MMP26: variants seen among roughly 807,000 people sequenced by gnomAD.
MMP26 encodes the protein matrix metallopeptidase 26.
Under a neutral mutation model 31.0 loss-of-function variants are expected in MMP26, and 33 were observed. That is an observed-to-expected ratio of 1.06 (90% CI 0.81 to 1.42). MMP26 has a LOEUF of 1.42. Among genes scored for constraint, MMP26 ranks in the 40% most tolerant of loss-of-function variants. The pLI, the probability that MMP26 is intolerant of heterozygous loss-of-function variation, is 0.00. For missense variants in MMP26, 347 were observed against 316.1 expected (o/e 1.10, Z -0.74); for synonymous variants, 122 against 114.9 (o/e 1.06, Z -0.40).
intron 2 of MMP26, among the ~76,000 whole-genome samples, chr11:4,874,488 T>C (rs957632540): frequency 2.6e-5 from 4 of 152,004 alleles, no homozygotes; most frequent in African/African-American, 4.8e-5. Flanking sequence ...CCTGGGTCCA[T>C]AGATGGTTTT....
intron 1 of MMP26, among the ~76,000 whole-genome samples, chr11:4,731,312 AAC>A (rs1256447944): frequency 6.6e-6 from 1 of 152,134 alleles, no homozygotes; most frequent in Admixed American, 6.5e-5. Context: ...CACCACTCCC[AAC>A]ACACACACAA....
intron 1 of MMP26, among the ~76,000 whole-genome samples, chr11:4,764,760 C>G (rs542937078): frequency 6.6e-6 from 1 of 152,222 alleles, no homozygotes; most frequent in East Asian, 1.9e-4. Context: ...GTAGTCCCAG[C>G]TACTCGGGAG....
intron 2 of MMP26, among the ~76,000 whole-genome samples, chr11:4,844,422 C>A (rs1399335172): frequency 2.0e-5 from 3 of 151,944 alleles, no homozygotes; most frequent in Non-Finnish European, 4.4e-5. Flanking sequence ...TCTATGAGGT[C>A]AGTATTACCA....
chr11:4,933,127 G>A (rs1258705509), intron 2 of MMP26, among the ~76,000 whole-genome samples: 1 of 152,014 alleles, frequency 6.6e-6, no homozygotes, highest in Non-Finnish European at 1.5e-5. Context: ...AAAAGTATTG[G>A]GAGAATAATA....
chr11:4,824,595 C>T (rs1351835735), intron 2 of MMP26, among the ~76,000 whole-genome samples: 1 of 152,074 alleles, frequency 6.6e-6, no homozygotes, highest in Non-Finnish European at 1.5e-5. Context: ...AGACATTTCT[C>T]TTCCCTCATG....
chr11:4,828,845 C>G (rs1369364590), intron 2 of MMP26, among the ~76,000 whole-genome samples: 1 of 152,064 alleles, frequency 6.6e-6, no homozygotes, highest in East Asian at 1.9e-4. Context: ...TTATTTTGTT[C>G]TGGTCCAGTA....
rs528537121 is a variant in MMP26 at position 4,822,999 on chromosome 11, G to A, written c.-145+55658G>A. Among the ~76,000 whole-genome samples the A allele has an allele frequency of 1.7e-4, 26 of 152,202 alleles. 1 individual carries two copies. The South Asian group carries it at 5.4e-3, about 32-fold the overall frequency. On this transcript the variant is annotated intron_variant, in intron 2 of 7. Coordinates refer to ENST00000380390, the MANE Select transcript of MMP26 (RefSeq NM_021801.5). The stretch of plus-strand genomic sequence containing the variant: ...ACATTGTTAACATTCTAGGAGTAAG[G>A]ATAACACTATTTTTCATTTTTTTTT...
intron 2 of MMP26, among the ~76,000 whole-genome samples, chr11:4,857,446 C>T (rs553385609): frequency 3.3e-5 from 5 of 152,100 alleles, no homozygotes; most frequent in Admixed American, 2.0e-4. Flanking sequence ...ACTATAAACA[C>T]CTCTGTGCAA....
At chr11:4,859,225 A>T (rs1277349031) in intron 2 of MMP26, among the ~76,000 whole-genome samples, 2 of 152,204 alleles carry the variant, frequency 1.3e-5, no homozygotes, top group Non-Finnish European at 2.9e-5. Flanking sequence ...GACAAATGGG[A>T]TCTAATTAAA....
chr11:4,823,415 G>C (rs1849538083), intron 2 of MMP26, among the ~76,000 whole-genome samples: 1 of 152,110 alleles, frequency 6.6e-6, no homozygotes, highest in Non-Finnish European at 1.5e-5. Context: ...TAACAACCAA[G>C]AGTACTACTC....
At chr11:4,783,439 T>G (rs777433072) in intron 2 of MMP26, among the ~76,000 whole-genome samples, 6 of 152,206 alleles carry the variant, frequency 3.9e-5, no homozygotes, top group Non-Finnish European at 7.3e-5. Context: ...GTACCCCCAT[T>G]GTACCTAGCA....
intron 2 of MMP26, among the ~76,000 whole-genome samples, chr11:4,858,070 G>A (rs774728005): frequency 1.6e-4 from 25 of 152,182 alleles, no homozygotes; most frequent in Non-Finnish European, 3.1e-4. Flanking sequence ...TCGATGGGAC[G>A]TATCTCAAAA....
At chr11:4,734,115 A>G (rs1848207441) in intron 1 of MMP26, among the ~76,000 whole-genome samples, 1 of 152,182 alleles carries the variant, frequency 6.6e-6, no homozygotes, top group South Asian at 2.1e-4. Context: ...AGAAATCTTA[A>G]CAATTTTCTT....
At chr11:4,739,717 T>TTA (rs1554928928) in intron 1 of MMP26, among the ~76,000 whole-genome samples, 1 of 152,142 alleles carries the variant, frequency 6.6e-6, no homozygotes, top group East Asian at 1.9e-4. Flanking sequence ...CTTTTTTTTT[T>TTA]ATCTCTATCT....
At chr11:4,943,552 G>C (rs576539411) in intron 2 of MMP26, 9 of 450,910 alleles carry the variant, frequency 2.0e-5, no homozygotes, top group African/African-American at 1.8e-4. Context: ...GGGCTATCCT[G>C]TACATTAAAG....
intron 2 of MMP26, among the ~76,000 whole-genome samples, chr11:4,923,020 A>G: frequency 6.6e-6 from 1 of 152,238 alleles, no homozygotes; most frequent in East Asian, 1.9e-4. Context: ...TGGCCAGAGA[A>G]TTGAAAGATG....
intron 2 of MMP26, chr11:4,876,459 C>T (rs965438804): frequency 1.3e-5 from 2 of 152,162 alleles, no homozygotes; most frequent in African/African-American, 4.8e-5. Flanking sequence ...CTTCCTCTTA[C>T]AGCTACCATC....
intron 2 of MMP26, among the ~76,000 whole-genome samples, chr11:4,793,257 T>G (rs1849056493): frequency 1.3e-5 from 2 of 152,344 alleles, no homozygotes; most frequent in South Asian, 4.1e-4. Context: ...CCCCTAGTTC[T>G]TTACTGTGAG....
chr11:4,767,741 C>T (rs1200541348), intron 2 of MMP26, among the ~76,000 whole-genome samples: 1 of 152,130 alleles, frequency 6.6e-6, no homozygotes, highest in East Asian at 1.9e-4. Context: ...CTGGTGTGTG[C>T]TCTCTCCAGC....
Sources: gnomAD v4.1 joint callset for allele counts (sites outside exome capture counted in the v4.1 genomes callset) on GRCh38, gnomAD v4.1.1 for gene constraint, MANE v1.5 for transcripts, NCBI Gene and HGNC (gene_info 2026-07-23, HGNC 2026-07-21) for gene names.